The following CYP2C19 variants were observed in gnomAD, a reference collection of about 807,000 sequenced individuals.
CYP2C19 encodes the protein cytochrome P450 2C19.
A neutral mutation model predicts 40.9 loss-of-function variants in CYP2C19; 59 were observed. The observed-to-expected ratio is 1.44, with a 90% CI of 1.17 to 1.79. The LOEUF (loss-of-function observed/expected upper bound fraction) is 1.79. CYP2C19 is among the 40% of genes most tolerant of loss of function. The probability of loss-of-function intolerance (pLI) is 0.00; values close to 1 mark genes in which losing one functional copy is unlikely to be tolerated. For missense variants in CYP2C19, 754 were observed against 596.9 expected (o/e 1.26, Z -2.74); for synonymous variants, 253 against 208.7 (o/e 1.21, Z -1.83).
chr10:94,779,885 A>G (rs972960469), intron 3 of CYP2C19, among the ~76,000 whole-genome samples: 1 of 152,136 alleles, frequency 6.6e-6, no homozygotes, highest in Non-Finnish European at 1.5e-5. Context: ...TGTTTGCCTT[A>G]TCTGGGATTT....
At chr10:94,813,124 C>T (rs1025109972) in intron 5 of CYP2C19, among the ~76,000 whole-genome samples, 16 of 152,022 alleles carry the variant, frequency 1.1e-4, no homozygotes, top group African/African-American at 3.6e-4. Context: ...CAGTCAGGCC[C>T]TTCTGCTGCA....
chr10:94,780,376 T>C, intron 3 of CYP2C19, 123 bp from the exon 4 acceptor site: 1 of 1,294,646 alleles, frequency 7.7e-7, no homozygotes, highest in Non-Finnish European at 1.1e-6. Flanking sequence ...CTTTTTTGCT[T>C]TTAAGGGAAT....
rs1446436040 is a variant in CYP2C19 at position 94,852,896 on chromosome 10, G to A, written c.1455G>A (p.Leu485=). Residue 485 remains leucine (L), a synonymous_variant, in exon 9 of 9, where the codon CTG becomes CTA. Transcript: ENST00000371321. ...GFASVPPFYQ[L]CFIPV is the part of the protein sequence containing the mutation. ...CTTCTGTCCCGCCCTTCTATCAGCTGTGCTTCATTCCTGTCTGAAGAAGCA... is the reference window on the plus strand; with the variant it reads ...CTTCTGTCCCGCCCTTCTATCAGCTATGCTTCATTCCTGTCTGAAGAAGCA... 4 of 1,613,814 alleles carry A rather than the reference G, an allele frequency of 2.5e-6. No individual in the cohort carries two copies. Among genetic ancestry groups the A allele is most frequent in the Non-Finnish European group, 3.4e-6 (4 of 1,179,922 alleles).
intron 5 of CYP2C19, among the ~76,000 whole-genome samples, chr10:94,789,917 C>A (rs1172017435): frequency 6.6e-6 from 1 of 152,112 alleles, no homozygotes; most frequent in African/African-American, 2.4e-5. Context: ...GGCATTGAAT[C>A]TATAACTTAC....
chr10:94,807,931 G>C (rs983477372), intron 5 of CYP2C19, among the ~76,000 whole-genome samples: 1 of 151,972 alleles, frequency 6.6e-6, no homozygotes, highest in Non-Finnish European at 1.5e-5. Context: ...CTGTGCTTTT[G>C]AAGTTTTATC....
Position 94,841,078 on chromosome 10 carries a change from A to G in CYP2C19, c.962-1759A>G, listed in dbSNP as rs182075174. Among the ~76,000 whole-genome samples, 743 of 152,270 alleles carry G rather than the reference A, an allele frequency of 4.9e-3. 6 individuals are homozygous for G. The highest frequency in any genetic ancestry group is 0.017 in the African/African-American group (712 of 41,548). On this transcript the variant is annotated intron_variant, in intron 6 of 8. Transcript: ENST00000371321. ...TCCACTTCCAAGATGGTGGTGGGCC[A>G]CTTCCAAGATGGTGGCAAGCTTCGT...
At chr10:94,769,007 G>A (rs995224143) in intron 1 of CYP2C19, among the ~76,000 whole-genome samples, 50 of 152,172 alleles carry the variant, frequency 3.3e-4, no homozygotes, top group African/African-American at 1.2e-3. Context: ...GGCAAAAGTC[G>A]GTGATTCCAA....
At chr10:94,766,294 G>A (rs1388669868) in intron 1 of CYP2C19, among the ~76,000 whole-genome samples, 5 of 112,954 alleles carry the variant, frequency 4.4e-5, no homozygotes, top group Admixed American at 3.8e-4. Context: ...TAGTGGAAGG[G>A]GAGGGGTGAT....
intron 1 of CYP2C19, among the ~76,000 whole-genome samples, chr10:94,767,959 G>A (rs1848271000): frequency 6.6e-6 from 1 of 152,090 alleles, no homozygotes; most frequent in East Asian, 1.9e-4. Context: ...TTTGGCCTCA[G>A]CACCTCCCTG....
At chr10:94,802,178 GT>G (rs1412758583) in intron 5 of CYP2C19, among the ~76,000 whole-genome samples, 1 of 152,056 alleles carries the variant, frequency 6.6e-6, no homozygotes, top group Non-Finnish European at 1.5e-5. Flanking sequence ...GATTGGTCCA[GT>G]TTACAAACCT....
intron 5 of CYP2C19, among the ~76,000 whole-genome samples, chr10:94,797,006 C>T (rs976170533): frequency 3.3e-5 from 5 of 151,976 alleles, no homozygotes; most frequent in Non-Finnish European, 4.4e-5. Flanking sequence ...CTGATTGCCC[C>T]GGCGAGAACT....
chr10:94,834,961 C>T (rs1249385233), intron 6 of CYP2C19, among the ~76,000 whole-genome samples: 2 of 152,118 alleles, frequency 1.3e-5, no homozygotes, highest in Non-Finnish European at 2.9e-5. Context: ...CTAGCTGCTT[C>T]CTGCTGAATT....
chr10:94,775,256 G>C (rs1848391713), intron 2 of CYP2C19, 36 bp downstream of exon 2: 1 of 1,613,728 alleles, frequency 6.2e-7, no homozygotes, highest in Non-Finnish European at 8.5e-7. Context: ...CATCTGTCTT[G>C]GGGATGGGGA....
At chr10:94,843,360 G>T (rs1849524118) in intron 7 of CYP2C19, among the ~76,000 whole-genome samples, 1 of 152,084 alleles carries the variant, frequency 6.6e-6, no homozygotes, top group Non-Finnish European at 1.5e-5. Flanking sequence ...TAAATTTATA[G>T]GTCAGTTTGG....
chr10:94,775,125 G>C lies in CYP2C19; in HGVS notation c.236G>C (p.Gly79Ala). The change falls in exon 2 of 9, where the codon GGA becomes GCA. Residue 79 changes from glycine to alanine, a missense_variant. By Grantham distance (60) the Gly-to-Ala change is moderately conservative. Transcript: ENST00000371321. ...CTGGAACGCATGGTGGTGCTGCATG[G>C]ATATGAAGTGGTGAAGGAAGCCCTG... is the stretch of plus-strand genomic sequence containing the variant. ...FGLERMVVLH[G>A]YEVVKEALID... The C allele has an allele frequency of 6.2e-7, 1 of 1,614,150 alleles. No individual in the cohort carries two copies. Among genetic ancestry groups the C allele is most frequent in the Non-Finnish European group, 8.5e-7 (1 of 1,180,032 alleles).
At position 94,792,809 on chromosome 10, in the gene CYP2C19, G is replaced by A. The variant is rs191686925; in HGVS notation, c.819+10812G>A. The stretch of plus-strand genomic sequence containing the variant: ...ATATTTATTCCTTCATTTCAACTTT[G>A]GTGAATCTGACAATTATGTGTCATG... On this transcript the variant is annotated intron_variant, in intron 5 of 8. Coordinates refer to ENST00000371321, the MANE Select transcript of CYP2C19 (RefSeq NM_000769.4). Among the ~76,000 whole-genome samples, 11 of 152,164 alleles carry A rather than the reference G, an allele frequency of 7.2e-5. No homozygotes were observed. The East Asian group carries it at 1.5e-3, about 21-fold the overall frequency.
chr10:94,818,353 G>T (rs1423052041), intron 5 of CYP2C19, among the ~76,000 whole-genome samples: 1 of 151,682 alleles, frequency 6.6e-6, no homozygotes, highest in Non-Finnish European at 1.5e-5. Flanking sequence ...TTTTGGCTTA[G>T]GATTGACTTG....
chr10:94,833,405 CT>C lies in CYP2C19; in HGVS notation c.962-9425del, dbSNP rs920060612. On this transcript the variant is annotated intron_variant, in intron 6 of 8. Coordinates refer to ENST00000371321, the MANE Select transcript of CYP2C19 (RefSeq NM_000769.4). ...TACTAGTAGTAGGTCTGTCATATAG[CT>C]TTTTTTATGTTGAGGTATGTTCCTT... Among the ~76,000 whole-genome samples the C allele has an allele frequency of 4.4e-4, 67 of 151,568 alleles. 1 individual carries two copies. Among genetic ancestry groups the C allele is most frequent in the Non-Finnish European group, 8.1e-4 (55 of 67,844 alleles).
intron 6 of CYP2C19, among the ~76,000 whole-genome samples, chr10:94,830,307 A>T (rs191751668): frequency 1.3e-5 from 2 of 151,924 alleles, no homozygotes; most frequent in Admixed American, 6.6e-5. Flanking sequence ...AATTAGTGAG[A>T]CTCCGTGGGC....
Sources: allele counts gnomAD v4.1 joint callset (sites outside exome capture counted in the v4.1 genomes callset), GRCh38; gene constraint gnomAD v4.1.1; transcripts MANE v1.5; gene names NCBI Gene and HGNC (gene_info 2026-07-23, HGNC 2026-07-21).